Variants in MKLN1 observed in about 807,000 individuals in gnomAD.
The protein encoded by MKLN1 is muskelin 1.
MKLN1 carries 18 observed loss-of-function variants against 99.0 expected under a neutral mutation model. The observed-to-expected ratio is 0.18, with a 90% CI of 0.13 to 0.27. The LOEUF is 0.27. Ranked by LOEUF, MKLN1 falls within the 10% of genes least tolerant of loss-of-function variation. The pLI is 1.00. For missense variants in MKLN1, 621 were observed against 875.9 expected (o/e 0.71, Z 3.67); for synonymous variants, 288 against 293.2 (o/e 0.98, Z 0.18).
At chr7:131,474,888 C>G (rs1308141751) in intron 16 of MKLN1, among the ~76,000 whole-genome samples, 2 of 152,142 alleles carry the variant, frequency 1.3e-5, no homozygotes, top group East Asian at 3.9e-4. Flanking sequence ...CCTCAGTAAA[C>G]TTACAGTCAT....
rs149488706 is a variant in MKLN1 at position 131,431,277 on chromosome 7, C to T, written c.960+2132C>T. Among the ~76,000 whole-genome samples, 202 of 152,154 alleles carry T rather than the reference C, an allele frequency of 1.3e-3. 2 individuals carry two copies. Among genetic ancestry groups the T allele is most frequent in the African/African-American group, 4.6e-3 (193 of 41,510 alleles). On this transcript the variant is annotated intron_variant, in intron 9 of 17. Coordinates refer to ENST00000352689, the MANE Select transcript of MKLN1 (RefSeq NM_013255.5). ...AAGTCCCCCAAATACCATATTTGAT[C>T]CTATGACACCTCTGCTTAAACCCTG...
chr7:131,415,206 C>T (rs902734590), intron 8 of MKLN1, among the ~76,000 whole-genome samples: 6 of 151,204 alleles, frequency 4.0e-5, no homozygotes, highest in African/African-American at 7.3e-5. Flanking sequence ...ACTTAATTAC[C>T]ATAATATTTA....
At position 131,429,155 on chromosome 7, in the gene MKLN1, C is replaced by T. The variant is rs1415751745; in HGVS notation, c.960+10C>T. On this transcript the variant is annotated intron_variant, in intron 9 of 17. Transcript: ENST00000352689. The stretch of plus-strand genomic sequence containing the variant: ...AGACACTGAAAAAGAGGCAAGTTCT[C>T]AGACTTTTCATACATCTATATTACA... 8 of 1,579,666 alleles carry T rather than the reference C, an allele frequency of 5.1e-6. No individual in the cohort carries two copies. In the African/African-American group the frequency reaches 1.1e-4, roughly 21 times the overall value.
intron 1 of MKLN1, among the ~76,000 whole-genome samples, chr7:131,131,196 A>AATAAATAAATAAATAAATAC (rs1461828462): frequency 6.8e-6 from 1 of 146,976 alleles, no homozygotes; most frequent in East Asian, 2.0e-4. Flanking sequence ...CCTCTACTTA[A>AATAAATAAATAAATAAATAC]ATAAATAAAT....
At chr7:131,386,926 C>T (rs1041711041) in intron 2 of MKLN1, among the ~76,000 whole-genome samples, 194 bp from the exon 3 acceptor site, 8 of 152,052 alleles carry the variant, frequency 5.3e-5, no homozygotes, top group Admixed American at 4.6e-4. Flanking sequence ...GATCTACTGG[C>T]GTGAAAAGTG....
In MKLN1 at chr7:131,229,696, C is replaced by A. The variant is rs552955348; in HGVS notation, c.-179+26722C>A. On this transcript the variant is annotated intron_variant, in intron 3 of 7. Transcript: ENST00000416992. ...TCCGCATCCTGAGGAGCTGGGACCA[C>A]AAGCCCACGCCTCCACAGGCTGCTG... 1.5e-4 allele frequency among the ~76,000 whole-genome samples: 23 copies of A among 152,286 alleles called. No homozygotes were observed. The South Asian group carries it at 1.7e-3, about 11-fold the overall frequency.
chr7:131,208,099 GAAGT>G (rs1174909828), intron 3 of MKLN1, among the ~76,000 whole-genome samples: 1 of 152,170 alleles, frequency 6.6e-6, no homozygotes, highest in Non-Finnish European at 1.5e-5. Flanking sequence ...TGGGCAAAGA[GAAGT>G]AAGTCAGTGG....
At chr7:131,401,903 C>G (rs1233350985) in intron 6 of MKLN1, among the ~76,000 whole-genome samples, 2 of 152,182 alleles carry the variant, frequency 1.3e-5, no homozygotes, top group African/African-American at 4.8e-5. Flanking sequence ...GAGTTATACT[C>G]TTTTTGCTAG....
chr7:131,137,630 A>G (rs1795668168), intron 1 of MKLN1, among the ~76,000 whole-genome samples: 1 of 152,188 alleles, frequency 6.6e-6, no homozygotes, highest in African/African-American at 2.4e-5. Context: ...GCTAGAGTGC[A>G]ATGGCGCAAT....
intron 2 of MKLN1, among the ~76,000 whole-genome samples, chr7:131,146,487 A>AT: frequency 6.6e-6 from 1 of 152,248 alleles, no homozygotes; most frequent in Non-Finnish European, 1.5e-5. Context: ...TATAGTACAT[A>AT]GATTCCCTCT....
intron 3 of MKLN1, among the ~76,000 whole-genome samples, chr7:131,231,417 CT>C (rs1473315094): frequency 3.9e-5 from 6 of 152,120 alleles, no homozygotes; most frequent in Middle Eastern, 3.2e-3. Flanking sequence ...ACCTGTACAG[CT>C]GTCTTCCCCT....
intron 4 of MKLN1, among the ~76,000 whole-genome samples, chr7:131,390,700 G>T (rs2116892459): frequency 6.6e-6 from 1 of 152,118 alleles, no homozygotes; most frequent in East Asian, 1.9e-4. Context: ...GAACATTTAA[G>T]ATCTACTCTC....
intron 6 of MKLN1, among the ~76,000 whole-genome samples, chr7:131,405,927 T>C (rs949690653): frequency 2.6e-5 from 4 of 152,106 alleles, no homozygotes; most frequent in African/African-American, 9.7e-5. Context: ...ATTTGTTCAG[T>C]TGGTCAGAGT....
At chr7:131,312,842 T>G (rs999002100) in intron 3 of MKLN1, among the ~76,000 whole-genome samples, 4 of 152,194 alleles carry the variant, frequency 2.6e-5, no homozygotes, top group African/African-American at 9.7e-5. Flanking sequence ...TATGCAGAGC[T>G]CAGGACAAAT....
chr7:131,226,117 T>C (rs909622683), intron 3 of MKLN1, among the ~76,000 whole-genome samples: 2 of 151,766 alleles, frequency 1.3e-5, no homozygotes, highest in Non-Finnish European at 2.9e-5. Context: ...ACCTTCCTTG[T>C]TGTTCTTCCT....
chr7:131,256,558 T>C (rs143573920), intron 3 of MKLN1, among the ~76,000 whole-genome samples: 1 of 152,288 alleles, frequency 6.6e-6, no homozygotes, highest in African/African-American at 2.4e-5. Context: ...TGACATGAGA[T>C]GGTAACTTGA....
chr7:131,202,574 G>T (rs1796747244), intron 2 of MKLN1, among the ~76,000 whole-genome samples: 1 of 152,118 alleles, frequency 6.6e-6, no homozygotes, highest in African/African-American at 2.4e-5. Flanking sequence ...ATCATTCTTT[G>T]TTCTGGGGGA....
At chr7:131,149,569 A>G (rs1017384359) in intron 2 of MKLN1, among the ~76,000 whole-genome samples, 8 of 152,260 alleles carry the variant, frequency 5.3e-5, no homozygotes, top group African/African-American at 1.9e-4. Context: ...CTGAGTCAAC[A>G]AAAGTTGGAA....
At chr7:131,398,320 G>A (rs943306020) in intron 5 of MKLN1, among the ~76,000 whole-genome samples, 3 of 152,116 alleles carry the variant, frequency 2.0e-5, no homozygotes, top group Non-Finnish European at 4.4e-5. Flanking sequence ...AATAAATTAA[G>A]TGCCTGCTTT....
Sources: allele counts gnomAD v4.1 joint callset (sites outside exome capture counted in the v4.1 genomes callset), GRCh38; gene constraint gnomAD v4.1.1; transcripts MANE v1.5; gene names NCBI Gene and HGNC (gene_info 2026-07-23, HGNC 2026-07-21).